The following ST6GALNAC3 variants were observed in gnomAD, a reference collection of about 807,000 sequenced individuals.
The protein encoded by ST6GALNAC3 is alpha-N-acetylgalactosaminide alpha-2,6-sialyltransferase 3.
ST6GALNAC3 carries 25 observed loss-of-function variants against 32.7 expected under a neutral mutation model. The ratio of observed to expected loss-of-function variants is 0.76; its 90% CI spans 0.56 to 1.07. The LOEUF (loss-of-function observed/expected upper bound fraction) is 1.07. Among genes scored for constraint, ST6GALNAC3 ranks in the 50% least tolerant of loss-of-function variants. ST6GALNAC3 has a pLI of 0.00. For synonymous variants in ST6GALNAC3, 129 were observed against 133.1 expected (o/e 0.97, Z 0.21); for missense variants, 355 against 382.4 (o/e 0.93, Z 0.60).
intron 1 of ST6GALNAC3, among the ~76,000 whole-genome samples, chr1:76,151,298 G>A (rs1651025065): frequency 6.6e-6 from 1 of 152,166 alleles, no homozygotes; most frequent in African/African-American, 2.4e-5. Context: ...TTAAAACTAG[G>A]CTTTGTCACT....
chr1:76,124,741 A>G (rs1649131015), intron 1 of ST6GALNAC3, among the ~76,000 whole-genome samples: 3 of 152,132 alleles, frequency 2.0e-5, no homozygotes, highest in Admixed American at 2.0e-4. Context: ...CCTTTTGATC[A>G]TCTATTTCTT....
chr1:76,317,730 T>C (rs1438629339), intron 2 of ST6GALNAC3, among the ~76,000 whole-genome samples: 1 of 152,150 alleles, frequency 6.6e-6, no homozygotes, highest in Admixed American at 6.6e-5. Context: ...TGCCTGATGC[T>C]TCAGCTTGGC....
At chr1:76,494,005 G>T (rs1221771107) in intron 3 of ST6GALNAC3, among the ~76,000 whole-genome samples, 1 of 152,076 alleles carries the variant, frequency 6.6e-6, no homozygotes, top group African/African-American at 2.4e-5. Flanking sequence ...TGCCATGTCA[G>T]TATCCTGTCA....
At chr1:76,282,505 T>C (rs1659553752) in intron 1 of ST6GALNAC3, among the ~76,000 whole-genome samples, 1 of 152,174 alleles carries the variant, frequency 6.6e-6, no homozygotes. Context: ...CAATACTTGA[T>C]TATTGGATAT....
intron 3 of ST6GALNAC3, among the ~76,000 whole-genome samples, chr1:76,608,084 G>A (rs147385107): frequency 1.3e-5 from 2 of 152,234 alleles, no homozygotes; most frequent in East Asian, 3.9e-4. Context: ...TTAGTGTCCT[G>A]CCTCATATGA....
chr1:76,394,912 T>C (rs1652830863), intron 2 of ST6GALNAC3, among the ~76,000 whole-genome samples: 1 of 152,194 alleles, frequency 6.6e-6, no homozygotes, highest in African/African-American at 2.4e-5. Context: ...TTATTTTCTC[T>C]GTATGAGTGT....
Position 76,436,756 on chromosome 1 carries a change from G to A in ST6GALNAC3, c.623+24339G>A, listed in dbSNP as rs182363798. Among the ~76,000 whole-genome samples the A allele has an allele frequency of 3.7e-4, 56 of 152,224 alleles. 1 individual carries two copies. The East Asian group carries it at 0.01, about 28-fold the overall frequency. ...TTACAAGGAATTGAGACATAGTGAT[G>A]CTGTCTTGAATGCTGGGTAAATAAC... is the stretch of plus-strand genomic sequence containing the variant. On this transcript the variant is annotated intron_variant, in intron 3 of 4. Coordinates refer to ENST00000328299, the MANE Select transcript of ST6GALNAC3 (RefSeq NM_152996.4).
intron 3 of ST6GALNAC3, among the ~76,000 whole-genome samples, chr1:76,475,423 C>T (rs1659288393): frequency 1.3e-5 from 2 of 152,084 alleles, no homozygotes; most frequent in African/African-American, 4.8e-5. Flanking sequence ...ATGAAAAGCA[C>T]TTAGTCTGGT....
intron 2 of ST6GALNAC3, among the ~76,000 whole-genome samples, chr1:76,341,026 G>A (rs563834091): frequency 3.3e-5 from 5 of 151,224 alleles, no homozygotes; most frequent in South Asian, 2.1e-4. Context: ...TCTTTAGGCC[G>A]TTTCTGCTTG....
In ST6GALNAC3 at chr1:76,628,828, C is replaced by T. The variant is rs147280152; in HGVS notation, c.*22C>T. 65,747 of 1,607,446 alleles carry T rather than the reference C, an allele frequency of 0.041. 1,573 individuals are homozygous for T. The highest frequency in any genetic ancestry group is 0.059 in the South Asian group (5,350 of 90,224). ...TTGATAATGGTTTTCCTGATCTTGC[C>T]GCATCACTTAATGTGATCCCCATAC... On this transcript the variant is annotated 3_prime_UTR_variant, in exon 5 of 5. Coordinates refer to ENST00000328299, the MANE Select transcript of ST6GALNAC3 (RefSeq NM_152996.4).
At chr1:76,199,409 G>C (rs1270902627) in intron 1 of ST6GALNAC3, among the ~76,000 whole-genome samples, 2 of 152,176 alleles carry the variant, frequency 1.3e-5, no homozygotes, top group Non-Finnish European at 2.9e-5. Context: ...GAGTAGTAGA[G>C]CTGTGCTTCT....
intron 1 of ST6GALNAC3, among the ~76,000 whole-genome samples, chr1:76,165,945 C>T (rs974340603): frequency 6.6e-6 from 1 of 152,054 alleles, no homozygotes; most frequent in Non-Finnish European, 1.5e-5. Context: ...CACAAATTTC[C>T]TCCCATTCTG....
rs371250649 is a variant in ST6GALNAC3 at position 76,180,875 on chromosome 1, C to T, written c.18+105991C>T. Among the ~76,000 whole-genome samples, 37 of 152,334 alleles carry T rather than the reference C, an allele frequency of 2.4e-4. 1 individual carries two copies. Among genetic ancestry groups the T allele is most frequent in the African/African-American group, 8.4e-4 (35 of 41,570 alleles). On this transcript the variant is annotated intron_variant, in intron 1 of 4. Transcript: ENST00000328299. ...CCATCCTTCAAGTCTGTGTGTGACC[C>T]GGTTCTTCCAGGATGCTGGACAAGA... is the stretch of plus-strand genomic sequence containing the variant.
chr1:76,138,081 G>A (rs1344978375), intron 1 of ST6GALNAC3, among the ~76,000 whole-genome samples: 4 of 152,138 alleles, frequency 2.6e-5, no homozygotes, highest in Non-Finnish European at 4.4e-5. Context: ...CATGTCCTCA[G>A]GATATGGAGA....
intron 1 of ST6GALNAC3, among the ~76,000 whole-genome samples, chr1:76,111,287 A>G (rs549713646): frequency 6.6e-6 from 1 of 152,208 alleles, no homozygotes; most frequent in African/African-American, 2.4e-5. Flanking sequence ...GGCAGAGGTG[A>G]CTAGAAAACA....
chr1:76,150,351 A>G (rs1331784046), intron 1 of ST6GALNAC3, among the ~76,000 whole-genome samples: 1 of 152,022 alleles, frequency 6.6e-6, no homozygotes, highest in Non-Finnish European at 1.5e-5. Flanking sequence ...CTCTTCCTTC[A>G]TGGTGTCAAG....
chr1:76,272,556 T>C (rs1234867778), intron 1 of ST6GALNAC3, among the ~76,000 whole-genome samples: 2 of 152,188 alleles, frequency 1.3e-5, no homozygotes, highest in African/African-American at 2.4e-5. Context: ...ATTCCATCTG[T>C]ACTCGAACCA....
At chr1:76,591,452 G>A (rs1647047132) in intron 3 of ST6GALNAC3, among the ~76,000 whole-genome samples, 1 of 152,082 alleles carries the variant, frequency 6.6e-6, no homozygotes, top group South Asian at 2.1e-4. Flanking sequence ...ATTTTTTCCA[G>A]AGAGCCCAGG....
At chr1:76,547,940 C>T (rs1292700434) in intron 3 of ST6GALNAC3, among the ~76,000 whole-genome samples, 1 of 151,778 alleles carries the variant, frequency 6.6e-6, no homozygotes, top group Non-Finnish European at 1.5e-5. Context: ...TAGAAGGAGT[C>T]TCTATAAACA....
Sources: allele counts gnomAD v4.1 joint callset (sites outside exome capture counted in the v4.1 genomes callset), GRCh38; gene constraint gnomAD v4.1.1; transcripts MANE v1.5; gene names NCBI Gene and HGNC (gene_info 2026-07-23, HGNC 2026-07-21).